The following CUX1 variants were observed in gnomAD, a reference collection of about 807,000 sequenced individuals.
CUX1 encodes the protein cut like homeobox 1, also known as protein CASP.
CUX1 carries 31 observed loss-of-function variants against 158.8 expected under a neutral mutation model. That is an observed-to-expected ratio of 0.20 (90% CI 0.15 to 0.26). The LOEUF is 0.26. CUX1 is among the 10% of genes least tolerant of loss of function. The pLI, the probability that CUX1 is intolerant of heterozygous loss-of-function variation, is 1.00. For missense variants in CUX1, 1,589 were observed against 2,014.6 expected, an observed-to-expected ratio of 0.79 and a Z score of 4.04; for synonymous variants, 879 against 862.1, an observed-to-expected ratio of 1.02 and a Z score of -0.34.
chr7:102,180,193 T>C (rs1173947353), intron 11 of CUX1, among the ~76,000 whole-genome samples: 1 of 152,042 alleles, frequency 6.6e-6, no homozygotes, highest in East Asian at 1.9e-4. Flanking sequence ...AGACTAACTT[T>C]TATATTTTTA....
At chr7:102,075,343 T>C (rs928364903) in intron 4 of CUX1, among the ~76,000 whole-genome samples, 1 of 152,202 alleles carries the variant, frequency 6.6e-6, no homozygotes, top group Non-Finnish European at 1.5e-5. Context: ...GATTAACCTG[T>C]TGAGACGCCA....
At position 102,003,515 on chromosome 7, in the gene CUX1, G is replaced by A. The variant is rs188421454; in HGVS notation, c.142-24583G>A. ...TGCAAGGCTGCTTGGAATTGAAGGG[G>A]ATCTCCGTTCGAGTCTGAGCTGGAG... On this transcript the variant is annotated intron_variant, in intron 2 of 23. Transcript: ENST00000292535. 2.9e-3 allele frequency among the ~76,000 whole-genome samples: 447 copies of A among 152,274 alleles called. 3 individuals carry two copies. Among genetic ancestry groups the A allele is most frequent in the Non-Finnish European group, 5.2e-3 (353 of 68,026 alleles).
chr7:102,278,172 C>A, intron 18 of CUX1: 2 of 731,444 alleles, frequency 2.7e-6, no homozygotes, highest in Non-Finnish European at 4.4e-6. Context: ...CTGGGCAGCA[C>A]TGGGCCCCAG....
intron 15 of CUX1, chr7:102,273,518 C>T: frequency 6.3e-7 from 1 of 1,594,076 alleles, no homozygotes; most frequent in South Asian, 1.1e-5. Context: ...CTGCCCCATG[C>T]CCATCTCGAT....
At chr7:102,274,371 C>G in intron 16 of CUX1, 2 of 1,438,628 alleles carry the variant, frequency 1.4e-6, no homozygotes, top group African/African-American at 2.8e-5. Flanking sequence ...CAGGTGATAC[C>G]GCCTGAGAAC....
chr7:102,067,471 C>G (rs1404518368), intron 3 of CUX1, among the ~76,000 whole-genome samples: 1 of 151,488 alleles, frequency 6.6e-6, no homozygotes, highest in Non-Finnish European at 1.5e-5. Context: ...CTCTTGACCT[C>G]ATGATCTGCC....
chr7:102,073,108 G>A (rs1235837739), intron 4 of CUX1, among the ~76,000 whole-genome samples: 1 of 144,050 alleles, frequency 6.9e-6, no homozygotes, highest in African/African-American at 2.6e-5. Flanking sequence ...ATCTTTGCCA[G>A]AGACCCAAAG....
rs532234672 is a variant in CUX1, at chr7:102,008,875, A to G, written c.142-19223A>G. 4.6e-5 allele frequency among the ~76,000 whole-genome samples: 7 copies of G among 152,274 alleles called. 1 individual carries two copies. In the South Asian group the frequency reaches 8.3e-4, roughly 18 times the overall value. ...AGGATTTTTGTTTTTCCTGGTGGGC[A>G]CAGATGTAGGTGGAGCAGATCAGAG... On this transcript the variant is annotated intron_variant, in intron 2 of 23. Transcript: ENST00000292535.
intron 2 of CUX1, among the ~76,000 whole-genome samples, chr7:101,954,495 C>T (rs1461773034): frequency 6.6e-6 from 1 of 152,084 alleles, no homozygotes; most frequent in Non-Finnish European, 1.5e-5. Flanking sequence ...AGGAGAATCC[C>T]AAGGAAAAAA....
At chr7:102,216,604 A>ACACACT (rs782307805) in intron 20 of CUX1, among the ~76,000 whole-genome samples, 29,289 of 64,094 alleles carry the variant, frequency 0.46, 8,054 homozygotes, top group East Asian at 0.89. Context: ...ACTCCCACAC[A>ACACACT]CACACACACA....
chr7:101,913,592 C>T (rs1379543229), intron 1 of CUX1, among the ~76,000 whole-genome samples: 1 of 152,130 alleles, frequency 6.6e-6, no homozygotes, highest in Non-Finnish European at 1.5e-5. Context: ...CCCAGCGTTT[C>T]CCACACTTGA....
rs891331641 is a variant in CUX1, at chr7:102,108,508, C to G, written c.531-3190C>G. ...TACAGGTGTGTGCCACCAAGCCTGG[C>G]TAATTTTTCAGTAGAGATAGGTTTT... On this transcript the variant is annotated intron_variant, in intron 6 of 23. Transcript: ENST00000292535. 7.2e-5 allele frequency among the ~76,000 whole-genome samples: 11 copies of G among 152,046 alleles called. No homozygotes were observed. The South Asian group carries it at 2.3e-3, about 32-fold the overall frequency.
At chr7:102,052,898 C>A (rs1339976184) in intron 3 of CUX1, among the ~76,000 whole-genome samples, 1 of 151,264 alleles carries the variant, frequency 6.6e-6, no homozygotes, top group Non-Finnish European at 1.5e-5. Flanking sequence ...ACCTCTGCCT[C>A]GCAGGTTCAA....
At chr7:102,000,309 C>T (rs1816535958) in intron 2 of CUX1, among the ~76,000 whole-genome samples, 1 of 152,122 alleles carries the variant, frequency 6.6e-6, no homozygotes, top group Admixed American at 6.6e-5. Flanking sequence ...AAGCTTGCTT[C>T]TGGACGCTAG....
At chr7:101,981,003 C>G (rs1813369894) in intron 2 of CUX1, among the ~76,000 whole-genome samples, 1 of 152,028 alleles carries the variant, frequency 6.6e-6, no homozygotes, top group Admixed American at 6.6e-5. Flanking sequence ...TAGTTTGGTG[C>G]AAAAGTCATT....
intron 7 of CUX1, among the ~76,000 whole-genome samples, chr7:102,113,637 AGCCTCAAACTCCTGGGCTGAAGT>A (rs1231460598): frequency 6.6e-6 from 1 of 151,554 alleles, no homozygotes; most frequent in African/African-American, 2.4e-5. Flanking sequence ...AGCTCATTGC[AGCCTCAAACTCCTGGGCTGAAGT>A]GATCCTCCTG....
In CUX1 at chr7:102,156,599, T is replaced by A. The variant is rs531903348; in HGVS notation, c.675-1961T>A. Among the ~76,000 whole-genome samples, 310 of 152,214 alleles carry A rather than the reference T, an allele frequency of 2.0e-3. 1 individual carries two copies. Among genetic ancestry groups the A allele is most frequent in the African/African-American group, 7.3e-3 (304 of 41,520 alleles). On this transcript the variant is annotated intron_variant, in intron 8 of 23. Transcript: ENST00000292535. Reference sequence around the variant, plus strand: ...CCTCCCAATGCCCCCACACTGGGGATCAAATTTCAGTAGCAGTTTTGGTGG... The same window carrying A: ...CCTCCCAATGCCCCCACACTGGGGAACAAATTTCAGTAGCAGTTTTGGTGG...
At chr7:101,955,537 C>T (rs1048610760) in intron 2 of CUX1, among the ~76,000 whole-genome samples, 8 of 152,204 alleles carry the variant, frequency 5.3e-5, no homozygotes, top group African/African-American at 1.7e-4. Context: ...GACCTCCGCA[C>T]CTACCCACTT....
intron 1 of CUX1, among the ~76,000 whole-genome samples, chr7:101,851,636 T>A (rs952669584): frequency 5.7e-4 from 87 of 152,184 alleles, no homozygotes; most frequent in African/African-American, 2.0e-3. Context: ...GCGTTCTGCA[T>A]TTTTGTCCTT....
Sources: allele counts gnomAD v4.1 joint callset (sites outside exome capture counted in the v4.1 genomes callset), GRCh38; gene constraint gnomAD v4.1.1; transcripts MANE v1.5; gene names NCBI Gene and HGNC (gene_info 2026-07-23, HGNC 2026-07-21).